The following SCAMP2 variants were observed in gnomAD, a reference collection of about 807,000 sequenced individuals.
SCAMP2 encodes secretory carrier membrane protein 2, also known as secretory carrier-associated membrane protein 2.
A neutral mutation model predicts 44.1 loss-of-function variants in SCAMP2; 25 were observed. The observed-to-expected ratio is 0.57, with a 90% confidence interval of 0.41 to 0.79. SCAMP2 has a LOEUF of 0.79. SCAMP2 is among the 30% of genes least tolerant of loss of function. The pLI is 0.00. For synonymous variants in SCAMP2, 156 were observed against 166.0 expected (o/e 0.94, Z 0.46); for missense variants, 355 against 411.0 (o/e 0.86, Z 1.18).
chr15:74,854,023 G>T lies in SCAMP2; in HGVS notation c.223C>A (p.Gln75Lys), dbSNP rs769760451. 14 of 1,611,916 alleles carry T rather than the reference G, an allele frequency of 8.7e-6. No individual in the cohort carries two copies. Among genetic ancestry groups the T allele is most frequent in the Non-Finnish European group, 1.1e-5 (13 of 1,178,158 alleles). Residue 75 changes from glutamine (Q) to lysine (K), a missense_variant and splice_region_variant, in exon 3 of 9, where the codon CAG (glutamine) becomes AAG (lysine). Coordinates refer to ENST00000268099, the MANE Select transcript of SCAMP2 (RefSeq NM_005697.5). ...PSVEPTQPTP[Q>K]AVVSAAQAGL... ...CCAGAGTTCTTTGTCAGCACTACCT[G>T]GGGGGTCGGCTGGGTTGGTTCCACT... is the stretch of plus-strand genomic sequence containing the variant.
Position 74,850,687 on chromosome 15 carries a change from C to A in SCAMP2, c.473-14G>T, listed in dbSNP as rs1206196247. ...TCACTGAATGCACTGGGGAAGGGGA[C>A]AGGACAGAGTTATGACTTGTGCCAC... On this transcript the variant is annotated splice_polypyrimidine_tract_variant and intron_variant, in intron 5 of 8. Transcript: ENST00000268099. 6.2e-7 allele frequency: 1 copy of A among 1,613,474 alleles called. No homozygotes were observed. Among genetic ancestry groups the A allele is most frequent in the East Asian group, 2.2e-5 (1 of 44,870 alleles).
At chr15:74,856,634 C>T (rs1459585104) in intron 1 of SCAMP2, among the ~76,000 whole-genome samples, 2 of 150,868 alleles carry the variant, frequency 1.3e-5, no homozygotes, top group Admixed American at 6.6e-5. Context: ...CACTCTGTTG[C>T]CCAGGCTGGA....
At chr15:74,867,351 C>T (rs2064550375) in intron 1 of SCAMP2, among the ~76,000 whole-genome samples, 1 of 152,148 alleles carries the variant, frequency 6.6e-6, no homozygotes, top group Non-Finnish European at 1.5e-5. Context: ...ATTATCTTAC[C>T]CCAAGTGTTT....
chr15:74,849,744 A>C (rs2141171718), intron 6 of SCAMP2, among the ~76,000 whole-genome samples: 1 of 152,336 alleles, frequency 6.6e-6, no homozygotes, highest in South Asian at 2.1e-4. Context: ...ACTCCCTCTC[A>C]AAACAAAAAC....
At chr15:74,845,310 G>A in intron 8 of SCAMP2, 93 bp from the exon 9 acceptor site, 1 of 1,578,230 alleles carries the variant, frequency 6.3e-7, no homozygotes, top group Non-Finnish European at 8.6e-7. Context: ...GTCACCAGAA[G>A]CCTGGCACTG....
intron 8 of SCAMP2, 98 bp from the exon 9 acceptor site, chr15:74,845,315 G>A (rs1468973786): frequency 3.8e-6 from 6 of 1,580,766 alleles, no homozygotes; most frequent in African/African-American, 1.3e-5. Flanking sequence ...CAGAAGCCTG[G>A]CACTGCCTGA....
At chr15:74,861,917 A>AAAAG (rs1335252286) in intron 1 of SCAMP2, among the ~76,000 whole-genome samples, 6 of 148,982 alleles carry the variant, frequency 4.0e-5, no homozygotes, top group Non-Finnish European at 7.4e-5. Flanking sequence ...AAAAAAAAAA[A>AAAAG]AAAGAAAGAA....
chr15:74,852,034 G>T, intron 4 of SCAMP2, 35 bp downstream of exon 4: 2 of 1,449,712 alleles, frequency 1.4e-6, no homozygotes, highest in Non-Finnish European at 1.9e-6. Context: ...TCTATGCCAG[G>T]CAGGGCAGCC....
At chr15:74,858,806 C>CTTTTT (rs917391053) in intron 1 of SCAMP2, among the ~76,000 whole-genome samples, 74 of 91,256 alleles carry the variant, frequency 8.1e-4, no homozygotes, top group South Asian at 1.1e-3. Context: ...AGAGCTGGTT[C>CTTTTT]TTTTTTTTTT....
At chr15:74,871,737 A>T (rs1055637208) in intron 1 of SCAMP2, among the ~76,000 whole-genome samples, 2 of 115,148 alleles carry the variant, frequency 1.7e-5, no homozygotes, top group African/African-American at 3.4e-5. Context: ...GGGCAACAAG[A>T]GCAAAACTCT....
intron 1 of SCAMP2, among the ~76,000 whole-genome samples, chr15:74,863,523 A>C (rs1220484693): frequency 2.0e-5 from 3 of 151,852 alleles, no homozygotes; most frequent in South Asian, 2.1e-4. Flanking sequence ...AAAAAAAAAA[A>C]AACAGTAAGT....
intron 1 of SCAMP2, among the ~76,000 whole-genome samples, chr15:74,861,682 A>C (rs1053388401): frequency 2.6e-5 from 4 of 151,852 alleles, no homozygotes; most frequent in Admixed American, 6.6e-5. Context: ...GCAGATCACG[A>C]GGTCAGGAGA....
At chr15:74,857,629 A>G (rs1308172264) in intron 1 of SCAMP2, among the ~76,000 whole-genome samples, 1 of 152,208 alleles carries the variant, frequency 6.6e-6, no homozygotes, top group Non-Finnish European at 1.5e-5. Context: ...AGGCCCACAA[A>G]GAGATGCCAT....
At chr15:74,859,298 CA>C (rs1180936823) in intron 1 of SCAMP2, among the ~76,000 whole-genome samples, 1 of 152,212 alleles carries the variant, frequency 6.6e-6, no homozygotes, top group African/African-American at 2.4e-5. Context: ...GAACATACCA[CA>C]ATGCATAAGA....
At chr15:74,873,153 G>A in intron 1 of SCAMP2, 46 bp downstream of exon 1, 2 of 1,401,304 alleles carry the variant, frequency 1.4e-6, no homozygotes, top group South Asian at 1.6e-5. Flanking sequence ...GGCGGCCGTG[G>A]GCCCTAGGGA....
At chr15:74,864,894 C>T (rs1711985530) in intron 1 of SCAMP2, among the ~76,000 whole-genome samples, 1 of 150,830 alleles carries the variant, frequency 6.6e-6, no homozygotes, top group South Asian at 2.1e-4. Context: ...TGAGACCAGT[C>T]TGGCCAACAT....
At chr15:74,868,257 G>T (rs555848732) in intron 1 of SCAMP2, among the ~76,000 whole-genome samples, 1 of 152,316 alleles carries the variant, frequency 6.6e-6, no homozygotes, top group South Asian at 2.1e-4. Flanking sequence ...CTCTTTCTGT[G>T]CAGGAAGTTT....
rs201781180 is a variant in SCAMP2 at position 74,854,602 on chromosome 15, C to T, written c.105G>A (p.Ala35=). 3.7e-5 allele frequency: 60 copies of T among 1,606,398 alleles called. No homozygotes were observed. The highest frequency in any genetic ancestry group is 8.5e-5 in the Admixed American group (5 of 59,168). ...CAACCTCTGAGAAGGGGTTGAATTC[C>T]GCCAGGCCGCCCTGCGGGGCGTTGG... The part of the protein sequence containing the change: ...QLTNAPQGGL[A]EFNPFSETNA... The change falls in exon 2 of 9, where the codon GCG becomes GCA. Residue 35 remains alanine (A), a synonymous_variant. Transcript: ENST00000268099.
intron 1 of SCAMP2, among the ~76,000 whole-genome samples, chr15:74,862,486 A>G (rs6495125): frequency 1 from 151,710 of 151,710 alleles, 75,855 homozygotes; most frequent in Non-Finnish European, 1. Context: ...TGAGGCAGGA[A>G]AACTGCTTGA....
Sources: gnomAD v4.1 joint callset for allele counts (sites outside exome capture counted in the v4.1 genomes callset) on GRCh38, gnomAD v4.1.1 for gene constraint, MANE v1.5 for transcripts, NCBI Gene and HGNC (gene_info 2026-07-23, HGNC 2026-07-21) for gene names.